Variants in TRIP13 observed in about 807,000 individuals in gnomAD.
The protein encoded by TRIP13 is thyroid hormone receptor interactor 13.
In TRIP13, 25 loss-of-function variants were observed where a neutral mutation model predicts 54.4. The ratio of observed to expected loss-of-function variants is 0.46; its 90% CI spans 0.33 to 0.64. The LOEUF (loss-of-function observed/expected upper bound fraction) is 0.64, where lower values mean the gene tolerates loss of function less well. Ranked by LOEUF, TRIP13 falls within the 30% of genes least tolerant of loss-of-function variation. TRIP13 has a pLI of 0.02. For missense variants in TRIP13, 373 were observed against 534.2 expected (o/e 0.70, Z 2.97); for synonymous variants, 207 against 207.8 (o/e 1.00, Z 0.03).
rs180724491 is a variant in TRIP13, at chr5:912,804, G to A, written c.1020+808G>A. Among the ~76,000 whole-genome samples the A allele has an allele frequency of 3.3e-5, 5 of 152,220 alleles. No individual in the cohort carries two copies. The highest frequency in any genetic ancestry group is 1.2e-4 in the African/African-American group (5 of 41,462). On this transcript the variant is annotated intron_variant, in intron 10 of 12. Coordinates refer to ENST00000166345, the MANE Select transcript of TRIP13 (RefSeq NM_004237.4). The surrounding 1 kb of genome is among the most constrained non-coding windows in gnomAD (Gnocchi z 7.2). ...CCATGCTTGTGTTTCTGCTGCTCTA[G>A]CCCCTGTGGGAACAGACCTGTCCCA...
intron 1 of TRIP13, among the ~76,000 whole-genome samples, chr5:894,165 C>CCT (rs1753820517): frequency 1.3e-5 from 2 of 152,172 alleles, no homozygotes; most frequent in African/African-American, 4.8e-5. Flanking sequence ...TCCAGGAGGG[C>CCT]TCAGAGGGAG....
intron 6 of TRIP13, among the ~76,000 whole-genome samples, chr5:905,748 A>G (rs1580055678): frequency 6.6e-6 from 1 of 152,378 alleles, no homozygotes; most frequent in East Asian, 1.9e-4. Context: ...CTGTTACTCC[A>G]GTATGACTAG....
At chr5:901,241 C>A in intron 4 of TRIP13, 100 bp from the exon 5 acceptor site, 1 of 1,038,574 alleles carries the variant, frequency 9.6e-7, no homozygotes, top group Non-Finnish European at 1.4e-6. Context: ...CCCTGTGCTC[C>A]CTCTTCTCAT....
chr5:907,906 CA>C lies in TRIP13; in HGVS notation c.673-81del. On this transcript the variant is annotated intron_variant, in intron 7 of 12. Coordinates refer to ENST00000166345, the MANE Select transcript of TRIP13 (RefSeq NM_004237.4). The surrounding 1 kb of genome is among the most constrained non-coding windows in gnomAD (Gnocchi z 4.1). ...AGTGGGCTTGTGGGGACAACTGGGGCAGCAGGCCACATCAGGGTCCCCCTGT... is the reference window on the plus strand; with the variant it reads ...AGTGGGCTTGTGGGGACAACTGGGGCGCAGGCCACATCAGGGTCCCCCTGT... 7.1e-7 allele frequency: 1 copy of C among 1,410,502 alleles called. No individual in the cohort carries two copies. The highest frequency in any genetic ancestry group is 1.2e-5 in the South Asian group (1 of 85,614). 87.4% of individuals were successfully genotyped at this position (1,410,502 alleles called of 1,614,324 possible). A position where few individuals can be genotyped will look rare whatever the true frequency, so the allele number is the denominator to read the frequency against.
At chr5:900,870 C>T (rs181396696) in intron 4 of TRIP13, among the ~76,000 whole-genome samples, 68 of 152,322 alleles carry the variant, frequency 4.5e-4, no homozygotes, top group African/African-American at 1.5e-3. Context: ...CCCCTGCACC[C>T]TCTTCAACGG....
rs370578023 is a variant in TRIP13 at position 908,930 on chromosome 5, C to G, written c.866+469C>G. On this transcript the variant is annotated intron_variant, in intron 9 of 12. Transcript: ENST00000166345. This position sits in a 1 kb window ranked among gnomAD's most constrained non-coding sequence, Gnocchi z 5.2. ...CCGAGATCATGCCACTGCACTCCAG[C>G]CTGGGTGACAGAGCAAGACTCCGTC... is the stretch of plus-strand genomic sequence containing the variant. The G allele has an allele frequency of 2.5e-5, 4 of 161,634 alleles. No homozygotes were observed. The highest frequency in any genetic ancestry group is 3.5e-4 in the South Asian group (2 of 5,684). The allele number at this position is 161,634 out of a possible 1,614,324, so 10.0% of individuals were successfully genotyped here. A position where few individuals can be genotyped will look rare whatever the true frequency, so the allele number is the denominator to read the frequency against.
chr5:894,096 A>C (rs905679200), intron 1 of TRIP13, among the ~76,000 whole-genome samples: 3 of 152,066 alleles, frequency 2.0e-5, no homozygotes, highest in Non-Finnish European at 4.4e-5. Flanking sequence ...CGCTGCTTGT[A>C]GGGTGCTGGG....
At chr5:900,398 A>G (rs1753957943) in intron 3 of TRIP13, 96 bp from the exon 4 acceptor site, 1 of 1,223,858 alleles carries the variant, frequency 8.2e-7, no homozygotes, top group South Asian at 1.3e-5. Flanking sequence ...GAGCAGCACA[A>G]TGGGAAGCTC....
Position 895,083 on chromosome 5 carries a change from A to C in TRIP13, c.258+131A>C, listed in dbSNP as rs137880763. The C allele has an allele frequency of 5.8e-6, 6 of 1,040,564 alleles. No homozygotes were observed. The East Asian group carries it at 1.0e-4, about 17-fold the overall frequency. 64.5% of individuals were successfully genotyped at this position (1,040,564 alleles called of 1,614,324 possible). On this transcript the variant is annotated intron_variant, in intron 2 of 12. Coordinates refer to ENST00000166345, the MANE Select transcript of TRIP13 (RefSeq NM_004237.4). ...TCTCTGTTGGTTTGGGTGGCTAGAC[A>C]AGTTCTTTTCACTAGCTGTCAGGAG...
chr5:910,836 C>T (rs1052484622), intron 9 of TRIP13, among the ~76,000 whole-genome samples: 3 of 152,234 alleles, frequency 2.0e-5, no homozygotes, highest in Non-Finnish European at 2.9e-5. Context: ...CAGCTGTGAG[C>T]TCACCCAACC....
Position 911,982 on chromosome 5 carries a change from G to C in TRIP13, c.1006G>C (p.Glu336Gln). 2 of 1,609,240 alleles carry C rather than the reference G, an allele frequency of 1.2e-6. No homozygotes were observed. The highest frequency in any genetic ancestry group is 1.7e-6 in the Non-Finnish European group (2 of 1,178,748). ...CTTCAAAATCTACCTCTCTTGTTTG[G>C]AAGAACTGATGAAGGTACCTTTATT... is the stretch of plus-strand genomic sequence containing the variant. ...AIFKIYLSCL[E>Q]ELMKCQIIYP... is the part of the protein sequence containing the mutation. The change falls in exon 10 of 13, where the codon GAA becomes CAA. Residue 336 changes from glutamate to glutamine, a missense_variant. Transcript: ENST00000166345. This position sits in a 1 kb window ranked among gnomAD's most constrained non-coding sequence, Gnocchi z 4.7.
Position 893,096 on chromosome 5 carries a change from C to T in TRIP13, c.92+6C>T, listed in dbSNP as rs948268218. 5.1e-6 allele frequency: 8 copies of T among 1,583,050 alleles called. No individual in the cohort carries two copies. The highest frequency in any genetic ancestry group is 4.6e-5 in the East Asian group (2 of 43,926). On this transcript the variant is annotated splice_donor_region_variant and intron_variant, in intron 1 of 12. Transcript: ENST00000166345. Reference sequence around the variant, plus strand: ...GTGCATCAGCGCGGCAGCAGGTGAGCCGGACCTGTCCGACACATCCTCTGG... The same window carrying T: ...GTGCATCAGCGCGGCAGCAGGTGAGTCGGACCTGTCCGACACATCCTCTGG...
intron 2 of TRIP13, among the ~76,000 whole-genome samples, 196 bp downstream of exon 2, chr5:895,148 GCT>G (rs1264033700): frequency 3.3e-5 from 5 of 152,192 alleles, no homozygotes; most frequent in African/African-American, 1.2e-4. Context: ...ATGTCGGGGT[GCT>G]CTCAGTATAG....
intron 11 of TRIP13, 146 bp downstream of exon 11, chr5:914,723 G>T (rs1414374225): frequency 7.4e-6 from 4 of 540,374 alleles, no homozygotes; most frequent in Non-Finnish European, 1.0e-5. Context: ...GTACACACGT[G>T]TGTGTGTGTG....
In TRIP13 at chr5:915,649, C is replaced by A. The variant is rs1016056278; in HGVS notation, c.1134-255C>A. 6.6e-6 allele frequency among the ~76,000 whole-genome samples: 1 copy of A among 152,136 alleles called. No individual in the cohort carries two copies. The highest frequency in any genetic ancestry group is 1.5e-5 in the Non-Finnish European group (1 of 68,026). On this transcript the variant is annotated intron_variant, in intron 11 of 12. Coordinates refer to ENST00000166345, the MANE Select transcript of TRIP13 (RefSeq NM_004237.4). The surrounding 1 kb of genome is among the most constrained non-coding windows in gnomAD (Gnocchi z 4.2). ...GTGCCTTGGGTGTGCTTCAGAGCCG[C>A]GAGGACACTGCCTCCCAGAGCAGGA...
intron 5 of TRIP13, among the ~76,000 whole-genome samples, chr5:902,713 C>T (rs972480763): frequency 2.0e-4 from 31 of 152,262 alleles, no homozygotes; most frequent in African/African-American, 5.3e-4. Flanking sequence ...ACCACCAAGA[C>T]GCGGAGACCG....
Position 900,408 on chromosome 5 carries a change from C to G in TRIP13, c.389-86C>G, listed in dbSNP as rs1157996932. The G allele has an allele frequency of 1.0e-5, 14 of 1,367,302 alleles. No homozygotes were observed. The Admixed American group carries it at 2.3e-4, about 23-fold the overall frequency. The allele number at this position is 1,367,302 out of a possible 1,614,324, so 84.7% of individuals were successfully genotyped here. ...GCCTGGAGCAGCACAATGGGAAGCT[C>G]AGGCTTAGGCTCAGGGGAGACTGAC... On this transcript the variant is annotated intron_variant, in intron 3 of 12. Transcript: ENST00000166345.
At position 907,103 on chromosome 5, in the gene TRIP13, T is replaced by G; in HGVS notation, c.609-27T>G. 1 of 1,608,464 alleles carries G rather than the reference T, an allele frequency of 6.2e-7. No individual in the cohort carries two copies. Among genetic ancestry groups the G allele is most frequent in the Non-Finnish European group, 8.5e-7 (1 of 1,175,070 alleles). The stretch of plus-strand genomic sequence containing the variant: ...AGGATCCACAGGACCAGTTAGTAAT[T>G]CTCTCAACTCCTTTTTTCTATCTCA... On this transcript the variant is annotated intron_variant, in intron 6 of 12. Transcript: ENST00000166345. This position sits in a 1 kb window ranked among gnomAD's most constrained non-coding sequence, Gnocchi z 4.1.
rs755855915 is a variant in TRIP13, at chr5:896,714, A to G, written c.308A>G (p.Asn103Ser). Residue 103 changes from asparagine to serine, a missense_variant, in exon 3 of 13, where the codon AAT becomes AGT. Physicochemically the swap from Asn to Ser is conservative, Grantham distance 46. Around this residue, in one of 4 missense-constraint regions of TRIP13, gnomAD observed 151 missense variants for 151.9 expected, o/e 0.99. Coordinates refer to ENST00000166345, the MANE Select transcript of TRIP13 (RefSeq NM_004237.4). Reference sequence around the variant, plus strand: ...GTTGCACTTCACATTTTCCAGCTGAATGAAGATGGCCCCAGCAGTGAAAAT... The same window carrying G: ...GTTGCACTTCACATTTTCCAGCTGAGTGAAGATGGCCCCAGCAGTGAAAAT... Reference protein sequence around the residue: ...CTVALHIFQLNEDGPSSENLE... With the variant: ...CTVALHIFQLSEDGPSSENLE... The G allele has an allele frequency of 1.5e-5, 24 of 1,613,874 alleles. No individual in the cohort carries two copies. In the South Asian group the frequency reaches 1.6e-4, roughly 11 times the overall value.
Sources: gnomAD v4.1 joint callset for allele counts (sites outside exome capture counted in the v4.1 genomes callset) on GRCh38, gnomAD v4.1.1 for gene constraint, gnomAD v4.1.1 regional missense constraint, Gnocchi (gnomAD v3.1) non-coding constraint, MANE v1.5 for transcripts, NCBI Gene and HGNC (gene_info 2026-07-23, HGNC 2026-07-21) for gene names.